The following PPM1D variants were observed in gnomAD, a reference collection of about 807,000 sequenced individuals.
The protein encoded by PPM1D is protein phosphatase, Mg2+/Mn2+ dependent 1D.
In PPM1D, 52 loss-of-function variants were observed where a neutral mutation model predicts 58.3. That is an observed-to-expected ratio of 0.89 (90% CI 0.71 to 1.12). The LOEUF (loss-of-function observed/expected upper bound fraction) is 1.12. PPM1D is among the 50% of genes most tolerant of loss of function. The probability of loss-of-function intolerance (pLI) is 0.00; values close to 1 mark genes in which losing one functional copy is unlikely to be tolerated. For missense variants in PPM1D, 564 were observed against 777.2 expected, an observed-to-expected ratio of 0.73 and a Z score of 3.26; for synonymous variants, 278 against 285.1, an observed-to-expected ratio of 0.98 and a Z score of 0.25.
At chr17:60,639,874 G>A (rs1429994853) in intron 3 of PPM1D, among the ~76,000 whole-genome samples, 1 of 152,170 alleles carries the variant, frequency 6.6e-6, no homozygotes, top group Non-Finnish European at 1.5e-5. Flanking sequence ...GTGTGTTTTA[G>A]GCATAGAAAA....
intron 3 of PPM1D, among the ~76,000 whole-genome samples, chr17:60,638,366 G>A (rs2031066212): frequency 1.3e-5 from 2 of 151,742 alleles, no homozygotes; most frequent in South Asian, 4.2e-4. Flanking sequence ...CTGACACTTG[G>A]AAAAATTTTT....
chr17:60,649,561 C>T (rs549384113), intron 4 of PPM1D, among the ~76,000 whole-genome samples: 29 of 152,068 alleles, frequency 1.9e-4, no homozygotes, highest in East Asian at 5.8e-4. Context: ...TGGTGGCACT[C>T]GCCTATAGTC....
intron 3 of PPM1D, among the ~76,000 whole-genome samples, chr17:60,644,122 A>G (rs1451065905): frequency 6.6e-6 from 1 of 151,436 alleles, no homozygotes; most frequent in Non-Finnish European, 1.5e-5. Context: ...CAAGTGATCC[A>G]CCTGCCTCGG....
At chr17:60,622,169 G>A (rs182361762) in intron 1 of PPM1D, among the ~76,000 whole-genome samples, 331 of 149,074 alleles carry the variant, frequency 2.2e-3, no homozygotes, top group African/African-American at 7.3e-3. Flanking sequence ...CAGCCTGGAC[G>A]ACAGAGCGAG....
chr17:60,663,584 T>C lies in PPM1D; in HGVS notation c.*32T>C, dbSNP rs2143733858. ...TCTGGGAAATGAGGTTTTTCCAAAC[T>C]TAGGATATAAGAGGGCTTTTTAAAT... On this transcript the variant is annotated 3_prime_UTR_variant, in exon 6 of 6. Coordinates refer to ENST00000305921, the MANE Select transcript of PPM1D (RefSeq NM_003620.4). The C allele has an allele frequency of 6.3e-7, 1 of 1,585,468 alleles. No homozygotes were observed. The highest frequency in any genetic ancestry group is 2.2e-5 in the East Asian group (1 of 44,660).
At chr17:60,637,630 A>G (rs955705782) in intron 3 of PPM1D, among the ~76,000 whole-genome samples, 2 of 152,210 alleles carry the variant, frequency 1.3e-5, no homozygotes, top group African/African-American at 4.8e-5. Context: ...TGGGGGAGCC[A>G]GTAGCATATA....
At chr17:60,633,464 G>A (rs927341288) in intron 2 of PPM1D, among the ~76,000 whole-genome samples, 9 of 152,112 alleles carry the variant, frequency 5.9e-5, no homozygotes, top group Non-Finnish European at 1.0e-4. Context: ...CTGGAGTACA[G>A]TGGTGTGATT....
At chr17:60,655,093 T>C (rs1399165230) in intron 4 of PPM1D, among the ~76,000 whole-genome samples, 1 of 152,224 alleles carries the variant, frequency 6.6e-6, no homozygotes, top group East Asian at 1.9e-4. Flanking sequence ...CTTTATACTA[T>C]AAGCAGTTAT....
intron 4 of PPM1D, among the ~76,000 whole-genome samples, chr17:60,651,284 A>ATATCACTCTAATGATAGAATC (rs1567976264): frequency 6.6e-6 from 1 of 152,186 alleles, no homozygotes; most frequent in Admixed American, 6.6e-5. Context: ...TAGATTCATG[A>ATATCACTCTAATGATAGAATC]ATTAGAGATT....
intron 4 of PPM1D, among the ~76,000 whole-genome samples, chr17:60,653,393 A>G (rs564121840): frequency 3.3e-5 from 5 of 152,194 alleles, no homozygotes; most frequent in Admixed American, 6.5e-5. Flanking sequence ...CCATTGGTCT[A>G]TGTGTCTGTT....
intron 1 of PPM1D, chr17:60,604,783 A>G (rs1321877586): frequency 6.6e-6 from 1 of 152,102 alleles, no homozygotes; most frequent in Non-Finnish European, 1.5e-5. Context: ...AATACAATTA[A>G]TTTTTATTGT....
chr17:60,656,052 A>G (rs1346115535), intron 4 of PPM1D, among the ~76,000 whole-genome samples: 2 of 152,136 alleles, frequency 1.3e-5, no homozygotes, highest in African/African-American at 4.8e-5. Context: ...GATAAAAATA[A>G]AAATAGTGAA....
intron 3 of PPM1D, among the ~76,000 whole-genome samples, chr17:60,634,483 T>G (rs185297138): frequency 6.6e-6 from 1 of 152,316 alleles, no homozygotes; most frequent in East Asian, 1.9e-4. Context: ...TTCAATGTTT[T>G]GCTAATTTCT....
At chr17:60,613,441 T>G (rs949466823) in intron 1 of PPM1D, among the ~76,000 whole-genome samples, 1 of 152,268 alleles carries the variant, frequency 6.6e-6, no homozygotes, top group African/African-American at 2.4e-5. Flanking sequence ...CTCCACTTAC[T>G]GAGAGTTGAC....
At chr17:60,628,141 C>T (rs765290435) in intron 2 of PPM1D, among the ~76,000 whole-genome samples, 20 of 152,168 alleles carry the variant, frequency 1.3e-4, no homozygotes, top group Non-Finnish European at 2.6e-4. Context: ...AGCCACTGCT[C>T]CCGGCCCTGA....
chr17:60,642,684 C>T (rs1242465628), intron 3 of PPM1D, among the ~76,000 whole-genome samples: 1 of 152,082 alleles, frequency 6.6e-6, no homozygotes, highest in East Asian at 1.9e-4. Flanking sequence ...GTCTAAATCT[C>T]TTGACCTCGT....
intron 2 of PPM1D, among the ~76,000 whole-genome samples, chr17:60,628,833 A>G (rs532863874): frequency 6.6e-6 from 1 of 151,632 alleles, no homozygotes; most frequent in African/African-American, 2.4e-5. Context: ...GTAACCTGCC[A>G]GGGGCCCCTA....
chr17:60,617,099 C>T (rs2030599548), intron 1 of PPM1D, among the ~76,000 whole-genome samples: 1 of 151,814 alleles, frequency 6.6e-6, no homozygotes, highest in African/African-American at 2.4e-5. Flanking sequence ...CAGATGCATG[C>T]CACTAAACCT....
intron 3 of PPM1D, among the ~76,000 whole-genome samples, chr17:60,637,468 T>C (rs2031047095): frequency 6.6e-6 from 1 of 152,134 alleles, no homozygotes; most frequent in East Asian, 1.9e-4. Context: ...GATAAAGAAA[T>C]GACTGGAACA....
Sources: allele counts gnomAD v4.1 joint callset (sites outside exome capture counted in the v4.1 genomes callset), GRCh38; gene constraint gnomAD v4.1.1; transcripts MANE v1.5; gene names NCBI Gene and HGNC (gene_info 2026-07-23, HGNC 2026-07-21).